PITPNM3: variants seen among roughly 807,000 people sequenced by gnomAD.
PITPNM3 encodes membrane-associated phosphatidylinositol transfer protein 3.
PITPNM3 carries 26 observed loss-of-function variants against 102.0 expected under a neutral mutation model. That is an observed-to-expected ratio of 0.25 (90% CI 0.19 to 0.35). The LOEUF is 0.35. Among genes scored for constraint, PITPNM3 ranks in the 10% least tolerant of loss-of-function variants. The pLI is 1.00. For missense variants in PITPNM3, 1,083 were observed against 1,346.1 expected, an observed-to-expected ratio of 0.80 and a Z score of 3.06; for synonymous variants, 578 against 558.6, an observed-to-expected ratio of 1.03 and a Z score of -0.49.
chr17:6,528,066 G>A (rs1908935119), intron 2 of PITPNM3, among the ~76,000 whole-genome samples: 6 of 152,216 alleles, frequency 3.9e-5, no homozygotes, highest in Admixed American at 3.3e-4. Context: ...GAGTCTCACC[G>A]TGCTTCTCTC....
chr17:6,493,684 C>T (rs1008914259), intron 4 of PITPNM3, among the ~76,000 whole-genome samples: 1 of 152,230 alleles, frequency 6.6e-6, no homozygotes, highest in African/African-American at 2.4e-5. Context: ...TAATCACGTC[C>T]ACCTGGATTC....
At chr17:6,513,430 T>TA (rs368060821) in intron 3 of PITPNM3, among the ~76,000 whole-genome samples, 5 of 152,112 alleles carry the variant, frequency 3.3e-5, no homozygotes, top group African/African-American at 1.2e-4. Flanking sequence ...AAAATAAAAC[T>TA]AAAAAATGAG....
At chr17:6,538,424 C>T (rs1027083747) in intron 1 of PITPNM3, among the ~76,000 whole-genome samples, 1 of 152,184 alleles carries the variant, frequency 6.6e-6, no homozygotes, top group Admixed American at 6.5e-5. Context: ...TGAGCTCAGA[C>T]GTTTAAACAT....
At chr17:6,548,410 T>C (rs1265675963) in intron 1 of PITPNM3, among the ~76,000 whole-genome samples, 1 of 151,882 alleles carries the variant, frequency 6.6e-6, no homozygotes, top group East Asian at 1.9e-4. Flanking sequence ...TGGGCAGTAA[T>C]GGGAAAGCTG....
intron 1 of PITPNM3, among the ~76,000 whole-genome samples, chr17:6,543,750 A>G (rs955666654): frequency 2.6e-5 from 4 of 152,074 alleles, no homozygotes; most frequent in African/African-American, 9.7e-5. Flanking sequence ...CACACCCACC[A>G]TGTCTGTCCC....
Position 6,517,507 on chromosome 17 carries a change from A to G in PITPNM3, c.226+7849T>C, listed in dbSNP as rs923691713. Among the ~76,000 whole-genome samples the G allele has an allele frequency of 1.3e-5, 2 of 152,254 alleles. No individual in the cohort carries two copies. The highest frequency in any genetic ancestry group is 4.8e-5 in the African/African-American group (2 of 41,470). On this transcript the variant is annotated intron_variant, in intron 3 of 19. Transcript: ENST00000262483. The surrounding 1 kb of genome is among the most constrained non-coding windows in gnomAD (Gnocchi z 4.1). The stretch of plus-strand genomic sequence containing the variant: ...ATCCTTCCCTGTTCAGGGATAGCAT[A>G]GATAGAGCTACTGACTTAATCCAAA...
Position 6,457,611 on chromosome 17 carries a change from A to G in PITPNM3, c.2602T>C (p.Tyr868His), listed in dbSNP as rs781241090. Reference protein sequence around the residue: ...IFIVGRPTKKYQTQCQFLSEG... With the variant: ...IFIVGRPTKKHQTQCQFLSEG... Reference sequence around the variant, plus strand: ...CCACCCACCTGGCACTGGGTTTGGTACTTCTTGGTGGGCCGGCCCACAATG... The same window carrying G: ...CCACCCACCTGGCACTGGGTTTGGTGCTTCTTGGTGGGCCGGCCCACAATG... The change falls in exon 19 of 20, where the codon TAC becomes CAC. Residue 868 changes from tyrosine to histidine, a missense_variant. Coordinates refer to ENST00000262483, the MANE Select transcript of PITPNM3 (RefSeq NM_031220.4). This position sits in a 1 kb window ranked among gnomAD's most constrained non-coding sequence, Gnocchi z 4.7. The G allele has an allele frequency of 6.2e-7, 1 of 1,609,076 alleles. No homozygotes were observed. Among genetic ancestry groups the G allele is most frequent in the Non-Finnish European group, 8.5e-7 (1 of 1,178,176 alleles).
Position 6,455,325 on chromosome 17 carries a change from C to G in PITPNM3, c.*13G>C, listed in dbSNP as rs1417430641. ...TGGGCCCCCCGCTCCCTGCTCTGAGCACAGCCCACCCCTCAGGGCACCGAC... is the reference window on the plus strand; with the variant it reads ...TGGGCCCCCCGCTCCCTGCTCTGAGGACAGCCCACCCCTCAGGGCACCGAC... On this transcript the variant is annotated 3_prime_UTR_variant, in exon 20 of 20. Coordinates refer to ENST00000262483, the MANE Select transcript of PITPNM3 (RefSeq NM_031220.4). The G allele has an allele frequency of 6.4e-7, 1 of 1,564,744 alleles. No individual in the cohort carries two copies. Among genetic ancestry groups the G allele is most frequent in the Admixed American group, 1.8e-5 (1 of 54,892 alleles).
chr17:6,528,282 C>T (rs2150648560), intron 2 of PITPNM3, among the ~76,000 whole-genome samples: 1 of 152,300 alleles, frequency 6.6e-6, no homozygotes, highest in East Asian at 1.9e-4. Flanking sequence ...TTTCCTTTCT[C>T]TGGGTCTCAT....
intron 14 of PITPNM3, among the ~76,000 whole-genome samples, chr17:6,466,220 G>A (rs1040734994): frequency 6.6e-6 from 1 of 152,080 alleles, no homozygotes; most frequent in East Asian, 1.9e-4. Flanking sequence ...CCACATTCCA[G>A]CCCATTCGCT....
At chr17:6,552,098 CA>C (rs1284795087) in intron 1 of PITPNM3, among the ~76,000 whole-genome samples, 1 of 152,202 alleles carries the variant, frequency 6.6e-6, no homozygotes, top group Non-Finnish European at 1.5e-5. Context: ...TTTACTGACT[CA>C]AATTACTAGG....
Position 6,484,237 on chromosome 17 carries a change from G to A in PITPNM3, c.330C>T (p.Ile110=), listed in dbSNP as rs141380388. The A allele has an allele frequency of 3.0e-4, 487 of 1,611,914 alleles. 1 individual carries two copies. The African/African-American group carries it at 5.3e-3, about 18-fold the overall frequency. Residue 110 remains isoleucine (I), a synonymous_variant, in exon 5 of 20, where the codon ATC becomes ATT. Coordinates refer to ENST00000262483, the MANE Select transcript of PITPNM3 (RefSeq NM_031220.4). ...CTACCTCGCTGTCTTCGTGGATCTC[G>A]ATGCTTCCCTGGGCTGGGAACCTCT... ...RRQRFPAQGS[I]EIHEDSEEGC... is the part of the protein sequence containing the mutation.
chr17:6,536,856 G>A (rs904555780), intron 2 of PITPNM3, among the ~76,000 whole-genome samples: 1 of 152,186 alleles, frequency 6.6e-6, no homozygotes, highest in Non-Finnish European at 1.5e-5. Context: ...CCCAGAGTGG[G>A]GCCACGCAGG....
In PITPNM3 at chr17:6,470,422, AG is replaced by A; in HGVS notation, c.1625-15del. 6.2e-7 allele frequency: 1 copy of A among 1,613,888 alleles called. No homozygotes were observed. Among genetic ancestry groups the A allele is most frequent in the African/African-American group, 1.3e-5 (1 of 75,042 alleles). On this transcript the variant is annotated splice_polypyrimidine_tract_variant and intron_variant, in intron 12 of 19. Transcript: ENST00000262483. This position sits in a 1 kb window ranked among gnomAD's most constrained non-coding sequence, Gnocchi z 4.8. ...ACTTGGCTGTGACTGTGGGTCGGAG[AG>A]GAAGGTGAGGATGCGTGGCCGGCCC...
chr17:6,526,355 T>A (rs1367511108), intron 2 of PITPNM3, among the ~76,000 whole-genome samples: 1 of 152,190 alleles, frequency 6.6e-6, no homozygotes, highest in African/African-American at 2.4e-5. Context: ...TGTGCTCTCC[T>A]CCCCATACTT....
intron 10 of PITPNM3, among the ~76,000 whole-genome samples, chr17:6,474,125 G>A (rs1429111081): frequency 1.3e-5 from 2 of 152,056 alleles, no homozygotes; most frequent in Admixed American, 6.5e-5. Flanking sequence ...GAGGCAAGAG[G>A]TTGAATATTC....
intron 4 of PITPNM3, among the ~76,000 whole-genome samples, chr17:6,491,664 T>C (rs778325653): frequency 1.8e-4 from 28 of 151,844 alleles, no homozygotes; most frequent in Non-Finnish European, 3.8e-4. Flanking sequence ...GCCACCCTCC[T>C]CTGCAGGTTC....
rs565859634 is a variant in PITPNM3, at chr17:6,517,522, C to T, written c.226+7834G>A. ...GGGATAGCATAGATAGAGCTACTGACTTAATCCAAACCCTGGTAGAAAATG... is the reference window on the plus strand; with the variant it reads ...GGGATAGCATAGATAGAGCTACTGATTTAATCCAAACCCTGGTAGAAAATG... On this transcript the variant is annotated intron_variant, in intron 3 of 19. Coordinates refer to ENST00000262483, the MANE Select transcript of PITPNM3 (RefSeq NM_031220.4). The surrounding 1 kb of genome is among the most constrained non-coding windows in gnomAD (Gnocchi z 4.1). Among the ~76,000 whole-genome samples, 4 of 152,222 alleles carry T rather than the reference C, an allele frequency of 2.6e-5. No homozygotes were observed. The highest frequency in any genetic ancestry group is 2.6e-4 in the Admixed American group (4 of 15,292).
In PITPNM3 at chr17:6,517,388, T is replaced by C. The variant is rs1202101748; in HGVS notation, c.226+7968A>G. On this transcript the variant is annotated intron_variant, in intron 3 of 19. Transcript: ENST00000262483. The surrounding 1 kb of genome is among the most constrained non-coding windows in gnomAD (Gnocchi z 4.1). ...AAAGTAAAACAGCAAAACTAATCAT[T>C]AAGTTGAAATGAGAATTGGCAACAT... Among the ~76,000 whole-genome samples the C allele has an allele frequency of 1.3e-5, 2 of 152,094 alleles. No individual in the cohort carries two copies. Among genetic ancestry groups the C allele is most frequent in the Non-Finnish European group, 2.9e-5 (2 of 68,010 alleles).
Sources: gnomAD v4.1 joint callset for allele counts (sites outside exome capture counted in the v4.1 genomes callset) on GRCh38, gnomAD v4.1.1 for gene constraint, Gnocchi (gnomAD v3.1) non-coding constraint, MANE v1.5 for transcripts, NCBI Gene and HGNC (gene_info 2026-07-23, HGNC 2026-07-21) for gene names.